The following WNK2 variants were observed in gnomAD, a reference collection of about 807,000 sequenced individuals.
The protein encoded by WNK2 is serine/threonine-protein kinase WNK2.
A neutral mutation model predicts 192.1 loss-of-function variants in WNK2; 67 were observed. The ratio of observed to expected loss-of-function variants is 0.35; its 90% CI spans 0.29 to 0.43. The LOEUF (loss-of-function observed/expected upper bound fraction) is 0.43, where lower values mean the gene tolerates loss of function less well. Ranked by LOEUF, WNK2 falls within the 20% of genes least tolerant of loss-of-function variation. WNK2 has a pLI of 1.00. For synonymous variants in WNK2, 1,439 were observed against 1,393.9 expected (o/e 1.03, Z -0.72); for missense variants, 2,698 against 3,089.7 (o/e 0.87, Z 3.01).
In WNK2 at chr9:93,290,011, G is replaced by A. The variant is rs767269008; in HGVS notation, c.4900G>A (p.Ala1634Thr). The change falls in exon 21 of 30, where the codon GCC (alanine) becomes ACC (threonine). Residue 1634 changes from alanine (A) to threonine (T), a missense_variant. By Grantham distance (58) the Ala-to-Thr change is moderately conservative (BLOSUM62 0). Around this residue, in one of 7 missense-constraint regions of WNK2, gnomAD observed 1,098 missense variants for 1,101.0 expected, o/e 1.00. Transcript: ENST00000427277. Reference sequence around the variant, plus strand: ...GTCAGAACTGGCCCCCACTCGAGGGGCCGTGATGGAGCAGGGCACGTCCTC... The same window carrying A: ...GTCAGAACTGGCCCCCACTCGAGGGACCGTGATGGAGCAGGGCACGTCCTC... ...EKSELAPTRG[A>T]VMEQGTSSSM... The A allele has an allele frequency of 3.2e-6, 5 of 1,579,114 alleles. No homozygotes were observed. In the East Asian group the frequency reaches 6.9e-5, roughly 22 times the overall value.
At chr9:93,201,845 TG>T (rs1368174256) in intron 2 of WNK2, among the ~76,000 whole-genome samples, 1 of 152,228 alleles carries the variant, frequency 6.6e-6, no homozygotes, top group Non-Finnish European at 1.5e-5. Context: ...ATGGTGACAT[TG>T]GAACGTTCCA....
intron 2 of WNK2, among the ~76,000 whole-genome samples, chr9:93,187,262 C>T (rs1829513825): frequency 6.6e-6 from 1 of 152,122 alleles, no homozygotes; most frequent in Non-Finnish European, 1.5e-5. Context: ...GCAGGCGATT[C>T]TGTCTCTGGG....
chr9:93,275,003 A>G (rs556034331), intron 19 of WNK2, among the ~76,000 whole-genome samples: 31 of 152,368 alleles, frequency 2.0e-4, no homozygotes, highest in Middle Eastern at 3.4e-3. Context: ...AATAAGTCTC[A>G]TGAACATAGA....
chr9:93,185,261 C>A lies in WNK2; in HGVS notation c.332C>A (p.Pro111His). 1 of 1,277,358 alleles carries A rather than the reference C, an allele frequency of 7.8e-7. No homozygotes were observed. The highest frequency in any genetic ancestry group is 9.8e-7 in the Non-Finnish European group (1 of 1,017,026). 79.1% of individuals were successfully genotyped at this position (1,277,358 alleles called of 1,614,324 possible). A position where few individuals can be genotyped will look rare whatever the true frequency, so the allele number is the denominator to read the frequency against. Residue 111 changes from proline (P) to histidine (H), a missense_variant, in exon 2 of 30, where the codon CCC becomes CAC. Physicochemically the swap from Pro to His is moderately conservative, Grantham distance 77. This residue lies in a region of WNK2 where 260 missense variants were observed against 285.6 expected (regional missense o/e 0.91). Transcript: ENST00000427277. Reference protein sequence around the residue: ...LVAQPGAPGAPADAGPEPVGT... With the variant: ...LVAQPGAPGAHADAGPEPVGT... ...GCGCAGCCGGGAGCCCCCGGAGCCC[C>A]CGCGGACGCCGGCCCCGAGCCCGTG...
chr9:93,215,362 G>A (rs551761264), intron 2 of WNK2, among the ~76,000 whole-genome samples: 161 of 152,102 alleles, frequency 1.1e-3, no homozygotes, highest in African/African-American at 3.7e-3. Flanking sequence ...CACCCACCTC[G>A]GCCTCCCATA....
intron 2 of WNK2, among the ~76,000 whole-genome samples, chr9:93,204,236 G>T (rs775491990): frequency 3.9e-5 from 6 of 152,200 alleles, no homozygotes; most frequent in Non-Finnish European, 8.8e-5. Flanking sequence ...TCTGTGAGGT[G>T]CTGGGAGTGG....
intron 2 of WNK2, among the ~76,000 whole-genome samples, chr9:93,200,723 T>C (rs1408151032): frequency 6.6e-6 from 1 of 152,106 alleles, no homozygotes; most frequent in Non-Finnish European, 1.5e-5. Flanking sequence ...GACGGCCACA[T>C]GGGCTCAGGG....
Position 93,185,093 on chromosome 9 carries a change from C to T in WNK2, c.164C>T (p.Pro55Leu). The part of the protein sequence containing the change: ...SVVESDQEEP[P>L]GLEAAEAPGP... The stretch of plus-strand genomic sequence containing the variant: ...GTAGAGTCGGACCAGGAGGAGCCGC[C>T]GGGCTTGGAGGCAGCCGAGGCGCCG... Residue 55 changes from proline to leucine, a missense_variant, in exon 2 of 30, where the codon CCG (proline) becomes CTG (leucine). Around this residue, in one of 7 missense-constraint regions of WNK2, gnomAD observed 260 missense variants for 285.6 expected, o/e 0.91. Coordinates refer to ENST00000427277, the MANE Select transcript of WNK2 (RefSeq NM_006648.4). The T allele has an allele frequency of 7.6e-7, 1 of 1,314,954 alleles. No homozygotes were observed. The highest frequency in any genetic ancestry group is 1.5e-5 in the African/African-American group (1 of 64,934). The allele number at this position is 1,314,954 out of a possible 1,614,324, so 81.5% of individuals were successfully genotyped here.
chr9:93,243,172 C>G (rs1030936360), intron 7 of WNK2, among the ~76,000 whole-genome samples: 2 of 152,154 alleles, frequency 1.3e-5, no homozygotes, highest in Non-Finnish European at 1.5e-5. Flanking sequence ...TGGGTTCTGT[C>G]CTAAGGTGGC....
At chr9:93,302,726 C>G (rs1332140606) in intron 26 of WNK2, among the ~76,000 whole-genome samples, 1 of 152,136 alleles carries the variant, frequency 6.6e-6, no homozygotes, top group East Asian at 1.9e-4. Flanking sequence ...CGAGCTGACT[C>G]AAGGTGCAGG....
At chr9:93,221,697 G>A (rs752687528) in intron 2 of WNK2, among the ~76,000 whole-genome samples, 6 of 152,220 alleles carry the variant, frequency 3.9e-5, no homozygotes, top group Non-Finnish European at 7.3e-5. Context: ...AGAGTCTTAC[G>A]TTCGCAGGAA....
chr9:93,313,048 A>C (rs572234785), intron 28 of WNK2, among the ~76,000 whole-genome samples: 94 of 152,236 alleles, frequency 6.2e-4, no homozygotes, highest in African/African-American at 2.0e-3. Flanking sequence ...CCATTTGATC[A>C]CCTTCATAAT....
At chr9:93,186,433 G>T (rs1042791704) in intron 2 of WNK2, among the ~76,000 whole-genome samples, 1 of 152,220 alleles carries the variant, frequency 6.6e-6, no homozygotes, top group African/African-American at 2.4e-5. Context: ...AGCCTAGGAA[G>T]CAGAGGCCAT....
intron 2 of WNK2, 92 bp downstream of exon 2, chr9:93,185,702 GAA>G: frequency 6.9e-7 from 1 of 1,454,602 alleles, no homozygotes; most frequent in South Asian, 1.2e-5. Context: ...CTGGCCTTAA[GAA>G]GCCCTGGGGG....
At chr9:93,202,685 G>A (rs1426539829) in intron 2 of WNK2, among the ~76,000 whole-genome samples, 2 of 151,972 alleles carry the variant, frequency 1.3e-5, no homozygotes, top group Non-Finnish European at 2.9e-5. Context: ...CGAATCAGGA[G>A]GGTTGGAAAG....
chr9:93,205,503 T>C (rs2131359527), intron 2 of WNK2, among the ~76,000 whole-genome samples: 1 of 152,296 alleles, frequency 6.6e-6, no homozygotes, highest in Middle Eastern at 3.4e-3. Context: ...CCCATCCTGC[T>C]GGTCAGCCCC....
At chr9:93,290,374 T>C (rs1031018563) in intron 21 of WNK2, among the ~76,000 whole-genome samples, 5 of 152,020 alleles carry the variant, frequency 3.3e-5, no homozygotes, top group African/African-American at 1.2e-4. Flanking sequence ...TCAGTTATTG[T>C]TAGTGTATCT....
chr9:93,190,704 G>A lies in WNK2; in HGVS notation c.681+5094G>A, dbSNP rs1014696577. Among the ~76,000 whole-genome samples the A allele has an allele frequency of 3.3e-5, 5 of 152,240 alleles. No individual in the cohort carries two copies. In the East Asian group the frequency reaches 7.7e-4, roughly 23 times the overall value. On this transcript the variant is annotated intron_variant, in intron 2 of 29. Transcript: ENST00000427277. ...CTGCATTTGTGTCCACAGGCCCTGC[G>A]GAGTGCCTGGGATGTGGCTGGGGCA...
Position 93,239,773 on chromosome 9 carries a change from C to T in WNK2, c.1339C>T (p.Leu447=). 2 of 1,557,714 alleles carry T rather than the reference C, an allele frequency of 1.3e-6. No homozygotes were observed. Among genetic ancestry groups the T allele is most frequent in the South Asian group, 1.2e-5 (1 of 84,412 alleles). ...NKEERYEIKD[L]LSHAFFAEDT... is the part of the protein sequence containing the mutation. ...TCCCTCCAGGTACGAGATCAAAGAC[C>T]TGCTGAGCCACGCCTTCTTCGCAGA... The change falls in exon 7 of 30, where the codon CTG becomes TTG. Residue 447 remains leucine, a synonymous_variant. Transcript: ENST00000427277. This position sits in a 1 kb window ranked among gnomAD's most constrained non-coding sequence, Gnocchi z 4.2.
Sources: gnomAD v4.1 joint callset for allele counts (sites outside exome capture counted in the v4.1 genomes callset) on GRCh38, gnomAD v4.1.1 for gene constraint, gnomAD v4.1.1 regional missense constraint, Gnocchi (gnomAD v3.1) non-coding constraint, MANE v1.5 for transcripts, NCBI Gene and HGNC (gene_info 2026-07-23, HGNC 2026-07-21) for gene names.